The following ZBTB46 variants were observed in gnomAD, a reference collection of about 807,000 sequenced individuals.
ZBTB46 encodes zinc finger and BTB domain containing 46.
Under a neutral mutation model 44.1 loss-of-function variants are expected in ZBTB46, and 8 were observed. The observed-to-expected ratio is 0.18, with a 90% CI of 0.11 to 0.33. The LOEUF is 0.33. Among genes scored for constraint, ZBTB46 ranks in the 10% least tolerant of loss-of-function variants. ZBTB46 has a pLI of 1.00. For synonymous variants in ZBTB46, 409 were observed against 382.3 expected (o/e 1.07, Z -0.81); for missense variants, 651 against 847.7 (o/e 0.77, Z 2.88).
intron 1 of ZBTB46, among the ~76,000 whole-genome samples, chr20:63,801,068 G>A (rs2092640679): frequency 6.6e-6 from 1 of 152,152 alleles, no homozygotes; most frequent in South Asian, 2.1e-4. Flanking sequence ...AGCACTCTGT[G>A]TCTAGCTCAA....
chr20:63,833,881 T>C (rs536381356), upstream of ZBTB46, among the ~76,000 whole-genome samples: 1 of 152,280 alleles, frequency 6.6e-6, no homozygotes, highest in African/African-American at 2.4e-5. Flanking sequence ...CCATTACTAT[T>C]TAAAAGAAAA....
intron 3 of ZBTB46, among the ~76,000 whole-genome samples, chr20:63,754,219 GA>G (rs1428779562): frequency 2.0e-5 from 3 of 152,196 alleles, no homozygotes; most frequent in Non-Finnish European, 4.4e-5. Context: ...TCCTGACGAG[GA>G]AATCCCAAGC....
chr20:63,792,301 C>A (rs1293620863), intron 1 of ZBTB46, among the ~76,000 whole-genome samples: 3 of 152,214 alleles, frequency 2.0e-5, no homozygotes, highest in Admixed American at 6.5e-5. Flanking sequence ...CATTCTCCAG[C>A]TGATAAGTCA....
chr20:63,804,784 C>T (rs1258315819), intron 1 of ZBTB46, among the ~76,000 whole-genome samples: 9 of 151,628 alleles, frequency 5.9e-5, no homozygotes, highest in African/African-American at 7.3e-5. Context: ...CCCAGCTACT[C>T]GGGAGGCTGA....
At chr20:63,753,383 C>T (rs948748147) in intron 3 of ZBTB46, among the ~76,000 whole-genome samples, 13 of 152,198 alleles carry the variant, frequency 8.5e-5, no homozygotes, top group African/African-American at 2.7e-4. Context: ...TGCTGGACGC[C>T]GGAGAAGCAG....
intron 2 of ZBTB46, among the ~76,000 whole-genome samples, chr20:63,785,019 G>T (rs970162454): frequency 6.7e-6 from 1 of 149,454 alleles, no homozygotes; most frequent in African/African-American, 2.5e-5. Context: ...GGATCACGAG[G>T]TCAAGAGATC....
chr20:63,761,255 T>C (rs2092274185), intron 3 of ZBTB46, among the ~76,000 whole-genome samples: 2 of 151,630 alleles, frequency 1.3e-5, no homozygotes, highest in Non-Finnish European at 2.9e-5. Context: ...CACTTCAGCC[T>C]CCCAAAGTGC....
intron 2 of ZBTB46, among the ~76,000 whole-genome samples, chr20:63,780,929 G>T (rs2092464410): frequency 1.4e-5 from 2 of 146,362 alleles, no homozygotes; most frequent in South Asian, 2.1e-4. Context: ...AGGAGTTCAA[G>T]ACCAGCCTGA....
chr20:63,756,462 C>A (rs1236040465), intron 3 of ZBTB46, among the ~76,000 whole-genome samples: 1 of 152,198 alleles, frequency 6.6e-6, no homozygotes, highest in Non-Finnish European at 1.5e-5. Context: ...CGAAAGGGAT[C>A]CAAACATCAA....
intron 1 of ZBTB46, among the ~76,000 whole-genome samples, chr20:63,823,341 T>A (rs1456751581): frequency 6.6e-6 from 1 of 151,022 alleles, no homozygotes; most frequent in African/African-American, 2.4e-5. Context: ...CTAAAAAAAG[T>A]ACAAAAATTA....
chr20:63,800,005 C>T (rs2092631485), intron 1 of ZBTB46, among the ~76,000 whole-genome samples: 1 of 152,192 alleles, frequency 6.6e-6, no homozygotes, highest in African/African-American at 2.4e-5. Flanking sequence ...ACCAGCTTCG[C>T]TCAGAACAGC....
upstream of ZBTB46, among the ~76,000 whole-genome samples, chr20:63,831,442 C>T (rs1220961765): frequency 6.9e-6 from 1 of 144,278 alleles, no homozygotes; most frequent in African/African-American, 2.5e-5. Context: ...CGGCCCCGCC[C>T]CTCGCTCGGC....
At chr20:63,771,435 C>G (rs1009746209) in intron 3 of ZBTB46, among the ~76,000 whole-genome samples, 1 of 152,200 alleles carries the variant, frequency 6.6e-6, no homozygotes, top group Non-Finnish European at 1.5e-5. Context: ...GCCTGGCGCT[C>G]CCGCACGGTG....
chr20:63,798,708 T>G, intron 1 of ZBTB46, among the ~76,000 whole-genome samples: 1 of 87,938 alleles, frequency 1.1e-5, no homozygotes. Flanking sequence ...CTGGGCATGG[T>G]AGTGCACACC....
chr20:63,815,122 C>T, intron 1 of ZBTB46: 1 of 215,398 alleles, frequency 4.6e-6, no homozygotes, highest in Non-Finnish European at 9.6e-6. Flanking sequence ...TCACCAGCTG[C>T]TGAGAAGACA....
intron 1 of ZBTB46, among the ~76,000 whole-genome samples, chr20:63,827,093 C>A (rs570271684): frequency 6.6e-6 from 1 of 152,164 alleles, no homozygotes; most frequent in Non-Finnish European, 1.5e-5. Context: ...GCAGTCCAGG[C>A]ACCCTCCTCC....
At chr20:63,827,073 A>C (rs2092823280) in intron 1 of ZBTB46, among the ~76,000 whole-genome samples, 1 of 152,082 alleles carries the variant, frequency 6.6e-6, no homozygotes, top group Non-Finnish European at 1.5e-5. Context: ...TCCCCACAGC[A>C]GTCCACACAG....
intron 1 of ZBTB46, among the ~76,000 whole-genome samples, chr20:63,826,375 G>A (rs1356296634): frequency 6.6e-6 from 1 of 152,210 alleles, no homozygotes; most frequent in African/African-American, 2.4e-5. Context: ...TGCTCAAAGA[G>A]AAACCAAGAG....
At chr20:63,815,799 G>A (rs2092749392) in intron 1 of ZBTB46, among the ~76,000 whole-genome samples, 1 of 149,336 alleles carries the variant, frequency 6.7e-6, no homozygotes, top group Non-Finnish European at 1.5e-5. Context: ...AGGTGCAGTG[G>A]GTACAGATGG....
Sources: allele counts gnomAD v4.1 joint callset (sites outside exome capture counted in the v4.1 genomes callset), GRCh38; gene constraint gnomAD v4.1.1; transcripts MANE v1.5; gene names NCBI Gene and HGNC (gene_info 2026-07-23, HGNC 2026-07-21).